Variants in SH3D19 observed in about 807,000 individuals in gnomAD.
The protein encoded by SH3D19 is SH3 domain-containing protein 19.
Under a neutral mutation model 112.1 loss-of-function variants are expected in SH3D19, and 58 were observed. The ratio of observed to expected loss-of-function variants is 0.52; its 90% CI spans 0.42 to 0.64. The LOEUF (loss-of-function observed/expected upper bound fraction) is 0.64, where lower values mean the gene tolerates loss of function less well. Among genes scored for constraint, SH3D19 ranks in the 30% least tolerant of loss-of-function variants. The pLI is 0.00. For synonymous variants in SH3D19, 391 were observed against 448.5 expected (o/e 0.87, Z 1.62); for missense variants, 1,090 against 1,263.4 (o/e 0.86, Z 2.08).
chr4:151,303,803 T>A (rs1176810819), intron 1 of SH3D19, among the ~76,000 whole-genome samples: 1 of 152,040 alleles, frequency 6.6e-6, no homozygotes, highest in Non-Finnish European at 1.5e-5. Context: ...CCATTCAAGG[T>A]CTGAATGAGG....
At chr4:151,317,092 T>C (rs993322353) in intron 1 of SH3D19, among the ~76,000 whole-genome samples, 2 of 152,188 alleles carry the variant, frequency 1.3e-5, no homozygotes, top group African/African-American at 2.4e-5. Context: ...TGACAAGTTA[T>C]GCTAGACAAC....
intron 2 of SH3D19, among the ~76,000 whole-genome samples, chr4:151,221,992 G>A (rs1312417643): frequency 6.6e-6 from 1 of 152,208 alleles, no homozygotes; most frequent in Non-Finnish European, 1.5e-5. Flanking sequence ...CTATTAGTGA[G>A]CAAGGAGCTG....
At position 151,159,236 on chromosome 4, in the gene SH3D19, T is replaced by C; in HGVS notation, c.1755+4A>G. ...ATCTAGTACAATCTATAATGACCACTTACCAAGTTTCTAGTTCTCTCAACA... is the reference window on the plus strand; with the variant it reads ...ATCTAGTACAATCTATAATGACCACCTACCAAGTTTCTAGTTCTCTCAACA... On this transcript the variant is annotated splice_donor_region_variant and intron_variant, in intron 9 of 19. Coordinates refer to ENST00000604030, the MANE Select transcript of SH3D19 (RefSeq NM_001378122.1). 2 of 1,489,700 alleles carry C rather than the reference T, an allele frequency of 1.3e-6. No individual in the cohort carries two copies. Among genetic ancestry groups the C allele is most frequent in the South Asian group, 2.7e-5 (2 of 73,896 alleles). 92.3% of individuals were successfully genotyped at this position (1,489,700 alleles called of 1,614,324 possible).
At chr4:151,263,773 A>T (rs1772556933) in intron 1 of SH3D19, among the ~76,000 whole-genome samples, 1 of 149,702 alleles carries the variant, frequency 6.7e-6, no homozygotes, top group Non-Finnish European at 1.5e-5. Context: ...AGAACACCCA[A>T]AATGGAAGCT....
chr4:151,202,012 CAA>C (rs1197967202), intron 2 of SH3D19, among the ~76,000 whole-genome samples: 16 of 95,138 alleles, frequency 1.7e-4, no homozygotes, highest in Admixed American at 4.6e-4. Flanking sequence ...AACTCCATCT[CAA>C]AAAAAAAAAA....
rs1451232811 is a variant in SH3D19 at position 151,170,040 on chromosome 4, T to C, written c.1535-4344A>G. On this transcript the variant is annotated intron_variant, in intron 7 of 19. Coordinates refer to ENST00000604030, the MANE Select transcript of SH3D19 (RefSeq NM_001378122.1). Reference sequence around the variant, plus strand: ...TATTATCCTGAAGAGAAGTCATAAATGTCATTGTTTTTTAAAGCACTCTGC... The same window carrying C: ...TATTATCCTGAAGAGAAGTCATAAACGTCATTGTTTTTTAAAGCACTCTGC... Among the ~76,000 whole-genome samples the C allele has an allele frequency of 4.6e-5, 7 of 152,168 alleles. 1 individual carries two copies. Among genetic ancestry groups the C allele is most frequent in the Admixed American group, 4.6e-4 (7 of 15,280 alleles).
In SH3D19 at chr4:151,160,089, T is replaced by A. The variant is rs989060230; in HGVS notation, c.1643-737A>T. Among the ~76,000 whole-genome samples the A allele has an allele frequency of 7.9e-4, 114 of 144,324 alleles. 1 individual carries two copies. Among genetic ancestry groups the A allele is most frequent in the Non-Finnish European group, 9.8e-4 (65 of 65,992 alleles). 94.7% of individuals were successfully genotyped at this position (144,324 alleles called of 152,430 possible). A position where few individuals can be genotyped will look rare whatever the true frequency, so the allele number is the denominator to read the frequency against. On this transcript the variant is annotated intron_variant, in intron 8 of 19. Transcript: ENST00000604030. Reference sequence around the variant, plus strand: ...AAATAATTCAATGTGTTTTATTTCTTTTTTTTTTTTTTTTTGAGATGGAGT... The same window carrying A: ...AAATAATTCAATGTGTTTTATTTCTATTTTTTTTTTTTTTTGAGATGGAGT...
At chr4:151,264,384 C>T (rs943030178) in intron 1 of SH3D19, among the ~76,000 whole-genome samples, 16 of 135,344 alleles carry the variant, frequency 1.2e-4, no homozygotes, top group Admixed American at 1.0e-3. Context: ...GCCAACATCC[C>T]GTCACTGCTC....
chr4:151,151,847 T>C (rs1313453019), intron 9 of SH3D19, among the ~76,000 whole-genome samples: 1 of 152,210 alleles, frequency 6.6e-6, no homozygotes, highest in African/African-American at 2.4e-5. Context: ...GAAATTTTAA[T>C]TGCTTTTCTC....
At chr4:151,271,294 T>C (rs1773209165) in intron 1 of SH3D19, among the ~76,000 whole-genome samples, 1 of 152,190 alleles carries the variant, frequency 6.6e-6, no homozygotes, top group South Asian at 2.1e-4. Flanking sequence ...GACTGATTGA[T>C]GGGTTGAATT....
chr4:151,209,874 T>TAAAA (rs1765685645), intron 2 of SH3D19, among the ~76,000 whole-genome samples: 1 of 152,176 alleles, frequency 6.6e-6, no homozygotes, highest in Non-Finnish European at 1.5e-5. Context: ...AGTGCTCTTT[T>TAAAA]GGGACCTGAA....
chr4:151,274,536 T>G (rs1247904139), intron 1 of SH3D19, among the ~76,000 whole-genome samples: 1 of 152,136 alleles, frequency 6.6e-6, no homozygotes. Flanking sequence ...CTTGAGCAGT[T>G]TATAGTAGGA....
intron 4 of SH3D19, among the ~76,000 whole-genome samples, chr4:151,178,460 T>A (rs6837905): frequency 3.3e-5 from 5 of 152,206 alleles, no homozygotes; most frequent in Non-Finnish European, 7.3e-5. Context: ...ATTTGAACTG[T>A]ACTTCCTAAG....
intron 1 of SH3D19, among the ~76,000 whole-genome samples, chr4:151,250,319 G>C (rs1771263897): frequency 1.3e-5 from 2 of 152,138 alleles, no homozygotes; most frequent in Admixed American, 1.3e-4. Context: ...ACAGTAATCA[G>C]GTCGGTACAT....
rs189400146 is a variant in SH3D19, at chr4:151,221,528, T to C, written c.152+4519A>G. 1.6e-3 allele frequency among the ~76,000 whole-genome samples: 249 copies of C among 152,322 alleles called. 2 individuals carry two copies. The highest frequency in any genetic ancestry group is 1.8e-3 in the Admixed American group (28 of 15,294). On this transcript the variant is annotated intron_variant, in intron 2 of 19. Coordinates refer to ENST00000604030, the MANE Select transcript of SH3D19 (RefSeq NM_001378122.1). The stretch of plus-strand genomic sequence containing the variant: ...TCCTTTCTTATAGGGCATCACTCCT[T>C]GCTGTTGTAACACACAGATCCAATA...
intron 2 of SH3D19, among the ~76,000 whole-genome samples, chr4:151,217,398 T>G (rs1269532232): frequency 6.6e-6 from 1 of 152,152 alleles, no homozygotes. Flanking sequence ...ATATAGTGAT[T>G]GCTATGAGTT....
At chr4:151,301,367 A>T (rs1054133705) in intron 1 of SH3D19, among the ~76,000 whole-genome samples, 12 of 152,354 alleles carry the variant, frequency 7.9e-5, no homozygotes, top group African/African-American at 2.9e-4. Flanking sequence ...AGCTGGGATT[A>T]CAGACATGTG....
intron 11 of SH3D19, 123 bp from the exon 12 acceptor site, chr4:151,144,173 G>A (rs764447231): frequency 3.1e-6 from 5 of 1,595,452 alleles, no homozygotes; most frequent in Non-Finnish European, 3.4e-6. Context: ...ACAGAGGCCA[G>A]TAATTTTTTT....
chr4:151,182,231 C>T (rs979164664), intron 3 of SH3D19, among the ~76,000 whole-genome samples: 16 of 152,072 alleles, frequency 1.1e-4, no homozygotes, highest in African/African-American at 3.4e-4. Context: ...TCAAGTGATC[C>T]GCCCACCTTG....
Sources: gnomAD v4.1 joint callset for allele counts (sites outside exome capture counted in the v4.1 genomes callset) on GRCh38, gnomAD v4.1.1 for gene constraint, MANE v1.5 for transcripts, NCBI Gene and HGNC (gene_info 2026-07-23, HGNC 2026-07-21) for gene names.